The following SCHIP1 variants were observed in gnomAD, a reference collection of about 807,000 sequenced individuals.
SCHIP1 encodes the protein schwannomin-interacting protein 1.
SCHIP1 carries 8 observed loss-of-function variants against 29.7 expected under a neutral mutation model. The observed-to-expected ratio is 0.27, with a 90% CI of 0.16 to 0.49. The LOEUF is 0.49. SCHIP1 is among the 20% of genes least tolerant of loss of function. The pLI, the probability that SCHIP1 is intolerant of heterozygous loss-of-function variation, is 0.99. For missense variants in SCHIP1, 193 were observed against 294.6 expected (o/e 0.66, Z 2.52); for synonymous variants, 76 against 94.9 (o/e 0.80, Z 1.16).
At chr3:159,491,773 C>T in the SCHIP1 span, among the ~76,000 whole-genome samples, 1 of 152,198 alleles carries the variant, frequency 6.6e-6, no homozygotes, top group Non-Finnish European at 1.5e-5. Context: ...CAGCATGCAG[C>T]TGGAGATCTG....
the SCHIP1 span, among the ~76,000 whole-genome samples, chr3:159,569,171 T>G: frequency 7.1e-4 from 107 of 151,520 alleles, no homozygotes; most frequent in African/African-American, 2.3e-3. Flanking sequence ...CAATTACTGG[T>G]TTTTTTTTAA....
chr3:159,708,729 T>C, the SCHIP1 span, among the ~76,000 whole-genome samples: 1 of 152,254 alleles, frequency 6.6e-6, no homozygotes, highest in East Asian at 1.9e-4. Flanking sequence ...CTAGCAAGCA[T>C]GGAGAGCTGT....
chr3:159,827,108 T>C, the SCHIP1 span, among the ~76,000 whole-genome samples: 2 of 152,370 alleles, frequency 1.3e-5, no homozygotes, highest in East Asian at 3.8e-4. Context: ...GTGACATTTT[T>C]CTTTTACTTC....
chr3:159,403,753 T>C, the SCHIP1 span, among the ~76,000 whole-genome samples: 2 of 152,166 alleles, frequency 1.3e-5, no homozygotes, highest in Non-Finnish European at 1.5e-5. Flanking sequence ...GTCCTGATGA[T>C]GTTCTGGCTT....
the SCHIP1 span, among the ~76,000 whole-genome samples, chr3:159,626,193 TAG>T: frequency 8.2e-5 from 10 of 121,480 alleles, no homozygotes; most frequent in African/African-American, 4.4e-4. Flanking sequence ...GATAGATAGA[TAG>T]ATAGATAGAT....
At chr3:159,761,536 C>T in the SCHIP1 span, among the ~76,000 whole-genome samples, 1 of 152,178 alleles carries the variant, frequency 6.6e-6, no homozygotes, top group African/African-American at 2.4e-5. Context: ...TATCTGCAGG[C>T]TGTTGCTGGG....
the SCHIP1 span, among the ~76,000 whole-genome samples, chr3:159,756,364 C>G: frequency 1.3e-4 from 20 of 152,348 alleles, no homozygotes; most frequent in Non-Finnish European, 2.5e-4. Flanking sequence ...TCTGAAGACA[C>G]AGCCTGAGCT....
chr3:159,828,151 C>A, the SCHIP1 span, among the ~76,000 whole-genome samples: 1 of 150,850 alleles, frequency 6.6e-6, no homozygotes, highest in African/African-American at 2.4e-5. Context: ...TGAAAGTGGG[C>A]GGCAGGGGCA....
the SCHIP1 span, among the ~76,000 whole-genome samples, chr3:159,800,841 G>A: frequency 6.6e-6 from 1 of 150,632 alleles, no homozygotes; most frequent in Admixed American, 6.6e-5. Flanking sequence ...GAGAGTGAAA[G>A]TGGGCCAGCC....
the SCHIP1 span, among the ~76,000 whole-genome samples, chr3:159,393,017 A>C: frequency 9.4e-4 from 143 of 152,316 alleles, 2 homozygotes; most frequent in African/African-American, 3.3e-3. Flanking sequence ...AACTGGTGTG[A>C]GATGGTATCT....
chr3:159,712,850 G>GAA, the SCHIP1 span, among the ~76,000 whole-genome samples: 7 of 143,808 alleles, frequency 4.9e-5, no homozygotes, highest in East Asian at 2.2e-4. Context: ...GAAAGAAAGA[G>GAA]AGAGAGAAAG....
chr3:159,319,267 T>C, the SCHIP1 span, among the ~76,000 whole-genome samples: 3 of 152,122 alleles, frequency 2.0e-5, no homozygotes, highest in Non-Finnish European at 4.4e-5. Context: ...TTTGGTGATA[T>C]GAGATATGGA....
At chr3:159,370,631 T>C in the SCHIP1 span, among the ~76,000 whole-genome samples, 1 of 152,156 alleles carries the variant, frequency 6.6e-6, no homozygotes, top group Non-Finnish European at 1.5e-5. Flanking sequence ...ATCCAACCTC[T>C]TCAATGCAGG....
chr3:159,706,536 C>T, the SCHIP1 span, among the ~76,000 whole-genome samples: 5 of 152,196 alleles, frequency 3.3e-5, no homozygotes, highest in African/African-American at 9.7e-5. Flanking sequence ...CAGACCATAT[C>T]TAATGTTGAG....
chr3:159,895,691 T>G (rs368609129), intron 6 of SCHIP1, among the ~76,000 whole-genome samples: 17 of 149,814 alleles, frequency 1.1e-4, no homozygotes, highest in South Asian at 4.1e-4. Flanking sequence ...GTTTTGGTTG[T>G]TTGTTTGTTT....
chr3:159,580,537 G>A, the SCHIP1 span, among the ~76,000 whole-genome samples: 1 of 152,182 alleles, frequency 6.6e-6, no homozygotes, highest in African/African-American at 2.4e-5. Context: ...AGATTGAAAT[G>A]TCTCATAAAA....
chr3:159,781,611 T>C, the SCHIP1 span, among the ~76,000 whole-genome samples: 1 of 152,254 alleles, frequency 6.6e-6, no homozygotes, highest in African/African-American at 2.4e-5. Flanking sequence ...TGAATATTGA[T>C]TGAATGCCCA....
the SCHIP1 span, among the ~76,000 whole-genome samples, chr3:159,551,789 G>T: frequency 3.3e-5 from 5 of 151,938 alleles, no homozygotes; most frequent in Admixed American, 2.0e-4. Context: ...AAGTAATTAT[G>T]AGATCAAATT....
the SCHIP1 span, among the ~76,000 whole-genome samples, chr3:159,563,148 C>T: frequency 6.6e-6 from 1 of 152,112 alleles, no homozygotes; most frequent in Non-Finnish European, 1.5e-5. Context: ...ACGTCAGCTC[C>T]CTGGCAGCAA....
Sources: allele counts gnomAD v4.1 joint callset (sites outside exome capture counted in the v4.1 genomes callset), GRCh38; gene constraint gnomAD v4.1.1; transcripts MANE v1.5; gene names NCBI Gene and HGNC (gene_info 2026-07-23, HGNC 2026-07-21).